VRK1: variants seen among roughly 807,000 people sequenced by gnomAD.
VRK1 encodes VRK serine/threonine kinase 1, also known as serine/threonine-protein kinase VRK1.
VRK1 carries 33 observed loss-of-function variants against 57.1 expected under a neutral mutation model. That is an observed-to-expected ratio of 0.58 (90% CI 0.44 to 0.77). VRK1 has a LOEUF of 0.77. VRK1 is among the 30% of genes least tolerant of loss of function. The pLI is 0.00. For synonymous variants in VRK1, 137 were observed against 147.8 expected, an observed-to-expected ratio of 0.93 and a Z score of 0.53; for missense variants, 413 against 477.3, an observed-to-expected ratio of 0.87 and a Z score of 1.25.
intron 1 of VRK1, among the ~76,000 whole-genome samples, chr14:96,798,569 TTTC>T (rs769901799): frequency 6.5e-4 from 99 of 152,348 alleles, no homozygotes; most frequent in African/African-American, 8.9e-4. Flanking sequence ...GTGTTTTTCT[TTTC>T]TTCTTCTTTT....
At chr14:96,847,491 A>G (rs1031078088) in intron 5 of VRK1, 147 bp downstream of exon 5, 1 of 702,750 alleles carries the variant, frequency 1.4e-6, no homozygotes, top group Non-Finnish European at 2.6e-6. Flanking sequence ...GAGAGGAATA[A>G]GATGTTATCT....
At chr14:96,809,465 G>A (rs1012290740) in intron 1 of VRK1, among the ~76,000 whole-genome samples, 1 of 151,728 alleles carries the variant, frequency 6.6e-6, no homozygotes, top group Non-Finnish European at 1.5e-5. Flanking sequence ...GTATATGTAT[G>A]TATCTTTTGG....
chr14:96,861,360 A>G (rs75297610), intron 11 of VRK1, among the ~76,000 whole-genome samples: 12,878 of 152,190 alleles, frequency 0.085, 717 homozygotes, highest in Non-Finnish European at 0.13. Flanking sequence ...CTGATTTGCT[A>G]TTGATTATTT....
chr14:96,819,079 TTGAC>T (rs547208995), intron 1 of VRK1, among the ~76,000 whole-genome samples: 101 of 152,354 alleles, frequency 6.6e-4, no homozygotes, highest in African/African-American at 2.2e-3. Flanking sequence ...GAGTTCTTTG[TTGAC>T]TGACTATCTT....
intron 1 of VRK1, among the ~76,000 whole-genome samples, chr14:96,809,616 A>G (rs369752584): frequency 9.3e-5 from 13 of 140,390 alleles, no homozygotes; most frequent in African/African-American, 3.5e-4. Context: ...TTTGTCACCC[A>G]GGCTGGAGTG....
At chr14:96,859,906 A>G (rs1888316718) in intron 10 of VRK1, among the ~76,000 whole-genome samples, 1 of 152,140 alleles carries the variant, frequency 6.6e-6, no homozygotes, top group African/African-American at 2.4e-5. Flanking sequence ...ACAAGTCTGG[A>G]GGTCGGGGGA....
intron 11 of VRK1, among the ~76,000 whole-genome samples, chr14:96,864,346 T>C (rs999815641): frequency 5.9e-5 from 9 of 152,188 alleles, no homozygotes; most frequent in Non-Finnish European, 8.8e-5. Flanking sequence ...CCAGAATTAG[T>C]TTTGCAATTT....
chr14:96,876,940 A>C (rs751186259), intron 12 of VRK1, among the ~76,000 whole-genome samples: 1 of 152,176 alleles, frequency 6.6e-6, no homozygotes. Flanking sequence ...TTGGTCTGAT[A>C]TGTTTAATAA....
chr14:96,812,935 C>A (rs1160322208), intron 1 of VRK1, among the ~76,000 whole-genome samples: 1 of 152,188 alleles, frequency 6.6e-6, no homozygotes, highest in Non-Finnish European at 1.5e-5. Flanking sequence ...CCTAGCCTTT[C>A]ATTTTACAGG....
intron 2 of VRK1, among the ~76,000 whole-genome samples, chr14:96,836,502 A>G (rs1887218379): frequency 7.5e-6 from 1 of 133,756 alleles, no homozygotes; most frequent in Admixed American, 7.7e-5. Flanking sequence ...TGTCAAGCAC[A>G]CTCCTACATC....
At chr14:96,801,394 A>G (rs931116651) in intron 1 of VRK1, among the ~76,000 whole-genome samples, 19 of 152,224 alleles carry the variant, frequency 1.2e-4, no homozygotes, top group African/African-American at 4.6e-4. Context: ...AGAAAGAACT[A>G]TTAGACCTTA....
In VRK1 at chr14:96,881,223, A is replaced by G. The variant is rs1315829138; in HGVS notation, c.*15A>G. On this transcript the variant is annotated 3_prime_UTR_variant, in exon 13 of 13. Transcript: ENST00000216639. Reference sequence around the variant, plus strand: ...TCCAGAAGTAATTCAGATGCTGTGAACCAGATTTCCTTTTCTTTGTTTTCT... The same window carrying G: ...TCCAGAAGTAATTCAGATGCTGTGAGCCAGATTTCCTTTTCTTTGTTTTCT... 1.9e-6 allele frequency: 3 copies of G among 1,598,364 alleles called. No homozygotes were observed. Among genetic ancestry groups the G allele is most frequent in the Non-Finnish European group, 2.6e-6 (3 of 1,171,124 alleles).
chr14:96,880,760 T>A (rs75983219), intron 12 of VRK1, among the ~76,000 whole-genome samples: 12,863 of 152,286 alleles, frequency 0.084, 716 homozygotes, highest in Non-Finnish European at 0.13. Context: ...TTGCTTTGCT[T>A]TTCATAACAT....
intron 1 of VRK1, among the ~76,000 whole-genome samples, chr14:96,807,992 TCC>T: frequency 1.7e-5 from 1 of 57,508 alleles, no homozygotes; most frequent in African/African-American, 6.0e-5. Flanking sequence ...TCTCCCTCTC[TCC>T]CTCTCTCCCT....
intron 1 of VRK1, among the ~76,000 whole-genome samples, chr14:96,807,975 CTGT>C (rs1885951984): frequency 4.3e-5 from 5 of 116,748 alleles, no homozygotes; most frequent in Non-Finnish European, 7.5e-5. Context: ...CCCTCTCTCT[CTGT>C]CTCTCTCCCT....
At chr14:96,815,388 G>A (rs901062719) in intron 1 of VRK1, among the ~76,000 whole-genome samples, 2 of 152,056 alleles carry the variant, frequency 1.3e-5, no homozygotes, top group Admixed American at 1.3e-4. Flanking sequence ...AAACAGGAAG[G>A]ATAACCCCAA....
At chr14:96,865,484 A>T (rs192516902) in intron 11 of VRK1, among the ~76,000 whole-genome samples, 1 of 152,238 alleles carries the variant, frequency 6.6e-6, no homozygotes, top group Admixed American at 6.5e-5. Context: ...TTTCTTTAGC[A>T]TTGTCTTTGC....
chr14:96,870,150 G>A (rs1460238190), intron 11 of VRK1, among the ~76,000 whole-genome samples: 6 of 151,948 alleles, frequency 3.9e-5, no homozygotes, highest in Non-Finnish European at 8.8e-5. Context: ...TATTCTTTCA[G>A]GACCTTTAAA....
intron 5 of VRK1, among the ~76,000 whole-genome samples, chr14:96,851,199 G>A (rs1887932774): frequency 6.6e-6 from 1 of 151,672 alleles, no homozygotes; most frequent in East Asian, 1.9e-4. Context: ...GGAGTGCAGT[G>A]GCTCAATCTT....
Sources: allele counts gnomAD v4.1 joint callset (sites outside exome capture counted in the v4.1 genomes callset), GRCh38; gene constraint gnomAD v4.1.1; transcripts MANE v1.5; gene names NCBI Gene and HGNC (gene_info 2026-07-23, HGNC 2026-07-21).